Variants in NKAIN2 observed in about 807,000 individuals in gnomAD.
The protein encoded by NKAIN2 is sodium/potassium transporting ATPase interacting 2, also known as sodium/potassium-transporting ATPase subunit beta-1-interacting protein 2.
NKAIN2 carries 14 observed loss-of-function variants against 32.6 expected under a neutral mutation model. That is an observed-to-expected ratio of 0.43 (90% CI 0.28 to 0.67). The LOEUF (loss-of-function observed/expected upper bound fraction) is 0.67, where lower values mean the gene tolerates loss of function less well. Among genes scored for constraint, NKAIN2 ranks in the 30% least tolerant of loss-of-function variants. NKAIN2 has a pLI of 0.17. For synonymous variants in NKAIN2, 80 were observed against 87.2 expected (o/e 0.92, Z 0.46); for missense variants, 198 against 258.3 (o/e 0.77, Z 1.60).
intron 1 of NKAIN2, among the ~76,000 whole-genome samples, chr6:124,054,642 C>T (rs754880816): frequency 6.6e-6 from 1 of 152,048 alleles, no homozygotes; most frequent in Non-Finnish European, 1.5e-5. Flanking sequence ...GGAGATTTAT[C>T]TCTTAGCATG....
chr6:124,677,005 G>A (rs1773392028), intron 4 of NKAIN2, among the ~76,000 whole-genome samples: 1 of 152,090 alleles, frequency 6.6e-6, no homozygotes, highest in South Asian at 2.1e-4. Flanking sequence ...GTCTCGCTCT[G>A]TCGCCCAGAC....
intron 4 of NKAIN2, among the ~76,000 whole-genome samples, chr6:124,754,561 G>C (rs530878497): frequency 1.7e-4 from 26 of 152,034 alleles, no homozygotes; most frequent in Admixed American, 7.2e-4. Flanking sequence ...ATCATTAGAG[G>C]AATGCAAATC....
intron 1 of NKAIN2, among the ~76,000 whole-genome samples, chr6:124,235,497 T>C (rs1176432263): frequency 6.6e-6 from 1 of 152,142 alleles, no homozygotes; most frequent in East Asian, 1.9e-4. Context: ...TTATGACAGA[T>C]GGAGAGCTGC....
At chr6:124,066,819 A>C (rs1249185505) in intron 1 of NKAIN2, among the ~76,000 whole-genome samples, 2 of 151,868 alleles carry the variant, frequency 1.3e-5, no homozygotes, top group Non-Finnish European at 2.9e-5. Flanking sequence ...ACTATCTCAA[A>C]ACACATTGAT....
intron 4 of NKAIN2, among the ~76,000 whole-genome samples, chr6:124,708,385 A>G (rs1422955054): frequency 6.6e-6 from 1 of 151,610 alleles, no homozygotes; most frequent in Non-Finnish European, 1.5e-5. Flanking sequence ...GAAGAAAGTC[A>G]TTGGTAGCTT....
At chr6:124,807,964 A>G (rs1479887065) in intron 5 of NKAIN2, among the ~76,000 whole-genome samples, 2 of 147,838 alleles carry the variant, frequency 1.4e-5, no homozygotes. Flanking sequence ...TAGACCAATA[A>G]CAGGATCTGA....
intron 1 of NKAIN2, among the ~76,000 whole-genome samples, chr6:123,984,927 T>G (rs1044989822): frequency 6.6e-6 from 1 of 152,148 alleles, no homozygotes; most frequent in African/African-American, 2.4e-5. Flanking sequence ...AAATAACACT[T>G]CAGATGGAAG....
At chr6:124,810,032 G>A (rs1300634440) in intron 5 of NKAIN2, among the ~76,000 whole-genome samples, 1 of 152,138 alleles carries the variant, frequency 6.6e-6, no homozygotes, top group Non-Finnish European at 1.5e-5. Flanking sequence ...TACACTGTTG[G>A]TGGGACTGTA....
chr6:124,666,936 T>C (rs1487571305), intron 4 of NKAIN2, among the ~76,000 whole-genome samples: 2 of 152,254 alleles, frequency 1.3e-5, no homozygotes, highest in Non-Finnish European at 1.5e-5. Flanking sequence ...GTAATGTTAT[T>C]TATTTTCTCT....
chr6:124,117,107 A>G (rs539201576), intron 1 of NKAIN2, among the ~76,000 whole-genome samples: 51 of 152,154 alleles, frequency 3.4e-4, no homozygotes, highest in African/African-American at 1.2e-3. Context: ...CATGAGAGGT[A>G]AAGGTGGGAT....
At chr6:124,481,205 A>T (rs1403816042) in intron 3 of NKAIN2, among the ~76,000 whole-genome samples, 2 of 151,050 alleles carry the variant, frequency 1.3e-5, no homozygotes, top group Non-Finnish European at 2.9e-5. Flanking sequence ...GGAACACCCA[A>T]TGAAAAGAAA....
chr6:124,683,142 G>A (rs1002243975), intron 4 of NKAIN2, among the ~76,000 whole-genome samples: 6 of 152,026 alleles, frequency 3.9e-5, no homozygotes, highest in South Asian at 2.1e-4. Flanking sequence ...GAATATCACC[G>A]GTGCCATTAA....
chr6:123,917,367 AGTAT>A (rs1775550143), intron 1 of NKAIN2, among the ~76,000 whole-genome samples: 1 of 152,174 alleles, frequency 6.6e-6, no homozygotes. Flanking sequence ...TTGGTATAAA[AGTAT>A]GTGTCAAGAA....
intron 3 of NKAIN2, among the ~76,000 whole-genome samples, chr6:124,470,035 G>C (rs1293045560): frequency 6.6e-6 from 1 of 152,150 alleles, no homozygotes; most frequent in African/African-American, 2.4e-5. Context: ...AGGATTCACT[G>C]GGAAAGCAAA....
At position 124,037,817 on chromosome 6, in the gene NKAIN2, A is replaced by G. The variant is rs1425697107; in HGVS notation, c.54+233563A>G. ...GATTATGATAGAACAGGTAAATTCC[A>G]TAGAATGATGGGAGCAACAGTCAAC... On this transcript the variant is annotated intron_variant, in intron 1 of 6. Coordinates refer to ENST00000368417, the MANE Select transcript of NKAIN2 (RefSeq NM_001040214.3). 5.3e-5 allele frequency among the ~76,000 whole-genome samples: 8 copies of G among 152,160 alleles called. 1 individual carries two copies. Among genetic ancestry groups the G allele is most frequent in the Non-Finnish European group, 1.2e-4 (8 of 68,016 alleles).
chr6:124,166,232 CATT>C (rs1258522217), intron 1 of NKAIN2, among the ~76,000 whole-genome samples: 1 of 146,942 alleles, frequency 6.8e-6, no homozygotes, highest in Non-Finnish European at 1.5e-5. Context: ...GATGGTATCT[CATT>C]GTGGTTTTGA....
intron 3 of NKAIN2, among the ~76,000 whole-genome samples, chr6:124,545,088 G>T (rs1283105879): frequency 1.3e-5 from 2 of 152,132 alleles, no homozygotes; most frequent in Non-Finnish European, 2.9e-5. Context: ...TAAAGGGAGA[G>T]GGAAAGTATT....
At chr6:124,340,828 A>G (rs549599267) in intron 2 of NKAIN2, among the ~76,000 whole-genome samples, 1 of 152,308 alleles carries the variant, frequency 6.6e-6, no homozygotes, top group South Asian at 2.1e-4. Context: ...TCCCAGCCTT[A>G]GGACTATAGG....
chr6:124,160,126 C>T (rs1053092571), intron 1 of NKAIN2, among the ~76,000 whole-genome samples: 3 of 152,122 alleles, frequency 2.0e-5, no homozygotes, highest in African/African-American at 7.2e-5. Flanking sequence ...GCTTTCCTTC[C>T]AGATAATATA....
Sources: allele counts gnomAD v4.1 joint callset (sites outside exome capture counted in the v4.1 genomes callset), GRCh38; gene constraint gnomAD v4.1.1; transcripts MANE v1.5; gene names NCBI Gene and HGNC (gene_info 2026-07-23, HGNC 2026-07-21).